The following ANKRD17 variants were observed in gnomAD, a reference collection of about 807,000 sequenced individuals.
ANKRD17 encodes ankyrin repeat domain-containing protein 17.
ANKRD17 carries 19 observed loss-of-function variants against 229.7 expected under a neutral mutation model. That is an observed-to-expected ratio of 0.08 (90% CI 0.06 to 0.12). The LOEUF (loss-of-function observed/expected upper bound fraction) is 0.12, where lower values mean the gene tolerates loss of function less well. Among genes scored for constraint, ANKRD17 ranks in the 10% least tolerant of loss-of-function variants. ANKRD17 has a pLI of 1.00. For synonymous variants in ANKRD17, 1,112 were observed against 1,146.1 expected (o/e 0.97, Z 0.60); for missense variants, 2,176 against 3,176.8 (o/e 0.68, Z 7.57).
chr4:73,131,682 A>G (rs1728219574), intron 16 of ANKRD17, among the ~76,000 whole-genome samples: 2 of 152,214 alleles, frequency 1.3e-5, no homozygotes, highest in African/African-American at 4.8e-5. Flanking sequence ...TGAGTTCAAA[A>G]GTAGGCTCCA....
At chr4:73,232,385 AG>A (rs1743127697) in intron 1 of ANKRD17, among the ~76,000 whole-genome samples, 1 of 152,194 alleles carries the variant, frequency 6.6e-6, no homozygotes, top group Non-Finnish European at 1.5e-5. Context: ...AGGCACTGGA[AG>A]GAAGTAGGCC....
At chr4:73,079,217 A>C (rs1310472349) in intron 30 of ANKRD17, among the ~76,000 whole-genome samples, 1 of 152,236 alleles carries the variant, frequency 6.6e-6, no homozygotes, top group African/African-American at 2.4e-5. Flanking sequence ...CAACAACAAC[A>C]GAATGGAGAT....
intron 2 of ANKRD17, among the ~76,000 whole-genome samples, chr4:73,166,399 T>C (rs1475952773): frequency 6.6e-6 from 1 of 152,204 alleles, no homozygotes; most frequent in African/African-American, 2.4e-5. Context: ...TTTAAAGGTC[T>C]GAGAGTGGTT....
In ANKRD17 at chr4:73,141,756, G is replaced by A. The variant is rs1263743729; in HGVS notation, c.2317C>T (p.Pro773Ser). The change falls in exon 14 of 34, where the codon CCC becomes TCC. Residue 773 changes from proline (P) to serine (S), a missense_variant. By Grantham distance (74) the Pro-to-Ser change is moderately conservative. Coordinates refer to ENST00000358602, the MANE Select transcript of ANKRD17 (RefSeq NM_032217.5). ...KPPANVATTL[P>S]IRNKAASKQK... ...TATAACTGACCTTTATTCCTGATGGGAAGAGTGGTGGCAACATTGGCAGGT... is the reference window on the plus strand; with the variant it reads ...TATAACTGACCTTTATTCCTGATGGAAAGAGTGGTGGCAACATTGGCAGGT... The A allele has an allele frequency of 2.5e-6, 4 of 1,613,686 alleles. No homozygotes were observed. The highest frequency in any genetic ancestry group is 3.4e-6 in the Non-Finnish European group (4 of 1,179,684).
intron 1 of ANKRD17, among the ~76,000 whole-genome samples, chr4:73,199,860 G>C (rs1254935760): frequency 6.6e-6 from 1 of 152,126 alleles, no homozygotes; most frequent in Non-Finnish European, 1.5e-5. Flanking sequence ...TATTACATTA[G>C]TATATGTCCT....
At chr4:73,121,784 T>C (rs1263073966) in intron 18 of ANKRD17, 25 bp from the exon 19 acceptor site, 9 of 1,568,328 alleles carry the variant, frequency 5.7e-6, no homozygotes, top group Middle Eastern at 1.7e-4. Flanking sequence ...GAAAAAAATA[T>C]GTTTTCTTAT....
chr4:73,213,053 A>C (rs1321018027), intron 1 of ANKRD17, among the ~76,000 whole-genome samples: 1 of 151,362 alleles, frequency 6.6e-6, no homozygotes, highest in Non-Finnish European at 1.5e-5. Flanking sequence ...AAAAAGAAAT[A>C]TAAGAATTTA....
intron 29 of ANKRD17, among the ~76,000 whole-genome samples, chr4:73,087,151 T>C (rs541835145): frequency 4.6e-5 from 7 of 151,152 alleles, no homozygotes; most frequent in African/African-American, 1.7e-4. Flanking sequence ...GCTCTGTTGC[T>C]CATAGCTCAC....
chr4:73,227,200 T>C (rs933842283), intron 1 of ANKRD17, among the ~76,000 whole-genome samples: 2 of 151,978 alleles, frequency 1.3e-5, no homozygotes, highest in African/African-American at 4.8e-5. Context: ...GCACTCCAGG[T>C]TGGAGTGCAG....
At chr4:73,101,473 T>C (rs1723974015) in intron 25 of ANKRD17, among the ~76,000 whole-genome samples, 1 of 152,022 alleles carries the variant, frequency 6.6e-6, no homozygotes, top group Non-Finnish European at 1.5e-5. Context: ...GAGGCTAGCC[T>C]GGCCAACATG....
At chr4:73,083,477 T>G (rs534592686) in intron 30 of ANKRD17, among the ~76,000 whole-genome samples, 4 of 152,336 alleles carry the variant, frequency 2.6e-5, no homozygotes, top group African/African-American at 7.2e-5. Context: ...TTGGGAAATT[T>G]AGGCGAAGGA....
intron 16 of ANKRD17, 115 bp from the exon 17 acceptor site, chr4:73,125,427 T>C: frequency 1.2e-6 from 1 of 810,056 alleles, no homozygotes; most frequent in Non-Finnish European, 1.9e-6. Context: ...CTCTACAATA[T>C]CAAGCATTTG....
Position 73,076,065 on chromosome 4 carries a change from C to G in ANKRD17, c.*166G>C, listed in dbSNP as rs1489503426. On this transcript the variant is annotated 3_prime_UTR_variant, in exon 34 of 34. Coordinates refer to ENST00000358602, the MANE Select transcript of ANKRD17 (RefSeq NM_032217.5). ...GATGATGATGGGGAATGGGCAGTCA[C>G]AAATGTTCACAGAAAATAGGTCAGT... 1 of 496,962 alleles carries G rather than the reference C, an allele frequency of 2.0e-6. No individual in the cohort carries two copies. The highest frequency in any genetic ancestry group is 3.6e-6 in the Non-Finnish European group (1 of 278,774). The allele number at this position is 496,962 out of a possible 1,614,324, so 30.8% of individuals were successfully genotyped here.
chr4:73,101,097 T>C (rs1368446981), intron 25 of ANKRD17: 13 of 853,628 alleles, frequency 1.5e-5, no homozygotes, highest in Non-Finnish European at 1.8e-5. Flanking sequence ...ATAATTTTTA[T>C]GCAAATATTA....
chr4:73,090,592 T>G, intron 29 of ANKRD17, 75 bp downstream of exon 29: 2 of 1,564,110 alleles, frequency 1.3e-6, no homozygotes, highest in Non-Finnish European at 1.7e-6. Flanking sequence ...AATAAAAATA[T>G]TAGAAAATGA....
At chr4:73,169,938 G>A (rs1437651558) in intron 2 of ANKRD17, among the ~76,000 whole-genome samples, 2 of 152,190 alleles carry the variant, frequency 1.3e-5, no homozygotes, top group Non-Finnish European at 2.9e-5. Context: ...CTTCCAGCAA[G>A]CCCTGTCAAC....
At chr4:73,203,751 T>C (rs1475577565) in intron 1 of ANKRD17, among the ~76,000 whole-genome samples, 1 of 85,128 alleles carries the variant, frequency 1.2e-5, no homozygotes. Context: ...AGAGCGAGAC[T>C]CCGTCTCAAA....
At chr4:73,205,725 T>C (rs1434093477) in intron 1 of ANKRD17, among the ~76,000 whole-genome samples, 1 of 152,078 alleles carries the variant, frequency 6.6e-6, no homozygotes, top group Non-Finnish European at 1.5e-5. Context: ...ATAACAAAAG[T>C]AAAAATAGAT....
At chr4:73,141,453 C>A (rs1455123140) in intron 14 of ANKRD17, among the ~76,000 whole-genome samples, 1 of 152,060 alleles carries the variant, frequency 6.6e-6, no homozygotes, top group African/African-American at 2.4e-5. Context: ...CTCAACTATA[C>A]CCAGCTTAAC....
Sources: allele counts gnomAD v4.1 joint callset (sites outside exome capture counted in the v4.1 genomes callset), GRCh38; gene constraint gnomAD v4.1.1; transcripts MANE v1.5; gene names NCBI Gene and HGNC (gene_info 2026-07-23, HGNC 2026-07-21).